FAM20A: variants seen among roughly 807,000 people sequenced by gnomAD.
The protein encoded by FAM20A is FAM20A golgi associated secretory pathway pseudokinase, also known as pseudokinase FAM20A.
A neutral mutation model predicts 52.0 loss-of-function variants in FAM20A; 42 were observed. The observed-to-expected ratio is 0.81, with a 90% confidence interval of 0.63 to 1.04. The LOEUF (loss-of-function observed/expected upper bound fraction) is 1.04, where lower values mean the gene tolerates loss of function less well. Ranked by LOEUF, FAM20A falls within the 50% of genes least tolerant of loss-of-function variation. FAM20A has a pLI of 0.00. For synonymous variants in FAM20A, 304 were observed against 298.9 expected, an observed-to-expected ratio of 1.02 and a Z score of -0.18; for missense variants, 742 against 712.7, an observed-to-expected ratio of 1.04 and a Z score of -0.47.
intron 4 of FAM20A, among the ~76,000 whole-genome samples, chr17:68,546,008 A>G (rs2086539035): frequency 1.3e-5 from 2 of 151,960 alleles, no homozygotes; most frequent in Non-Finnish European, 1.5e-5. Flanking sequence ...TCTCTACTAA[A>G]AATACAAAAA....
chr17:68,574,056 G>T (rs1310297755), intron 1 of FAM20A, among the ~76,000 whole-genome samples: 1 of 151,824 alleles, frequency 6.6e-6, no homozygotes, highest in African/African-American at 2.4e-5. Context: ...CTTGGTGGTG[G>T]GAACTCTCTC....
chr17:68,538,886 A>G (rs2143451638), intron 10 of FAM20A, among the ~76,000 whole-genome samples: 1 of 152,342 alleles, frequency 6.6e-6, no homozygotes, highest in South Asian at 2.1e-4. Context: ...TACAGTCATG[A>G]ATCGCTTAGT....
At chr17:68,567,111 C>G (rs929911331) in intron 1 of FAM20A, among the ~76,000 whole-genome samples, 1 of 151,860 alleles carries the variant, frequency 6.6e-6, no homozygotes, top group African/African-American at 2.4e-5. Flanking sequence ...TCTTCCAGCT[C>G]TCTCAGCAGT....
chr17:68,581,425 T>TCTTTCTTTTTC (rs1239596190), intron 1 of FAM20A, among the ~76,000 whole-genome samples: 145 of 142,198 alleles, frequency 1.0e-3, no homozygotes, highest in Middle Eastern at 3.4e-3. Flanking sequence ...TTTTTCTCTT[T>TCTTTCTTTTTC]TCTTTCTTTC....
At position 68,554,823 on chromosome 17, in the gene FAM20A, G is replaced by A. The variant is rs1216001726; in HGVS notation, c.594C>T (p.Tyr198=). ...MRHFPTISAD[Y]SQDEKALLGA... ...CCAGCAAGGCTTTCTCATCTTGACT[G>A]TAATCTGCAAAGGAGGAGAAGGGCA... Residue 198 remains tyrosine, a synonymous_variant, in exon 3 of 11, where the codon TAC becomes TAT. Coordinates refer to ENST00000592554, the MANE Select transcript of FAM20A (RefSeq NM_017565.4). 4 of 1,614,032 alleles carry A rather than the reference G, an allele frequency of 2.5e-6. No individual in the cohort carries two copies. Among genetic ancestry groups the A allele is most frequent in the Middle Eastern group, 1.6e-4 (1 of 6,080 alleles).
intron 1 of FAM20A, among the ~76,000 whole-genome samples, chr17:68,580,271 G>C (rs1026883736): frequency 3.9e-5 from 6 of 152,316 alleles, no homozygotes; most frequent in Non-Finnish European, 8.8e-5. Flanking sequence ...GGTGGTGGGT[G>C]GGGGGAGACA....
At chr17:68,584,283 T>C (rs988634375) in intron 1 of FAM20A, among the ~76,000 whole-genome samples, 2 of 151,062 alleles carry the variant, frequency 1.3e-5, no homozygotes, top group African/African-American at 4.9e-5. Flanking sequence ...TGCCACTGTA[T>C]TCCAGCCTGG....
intron 1 of FAM20A, among the ~76,000 whole-genome samples, chr17:68,585,321 T>TCTA: frequency 1.8e-5 from 1 of 56,986 alleles, no homozygotes; most frequent in Non-Finnish European, 3.4e-5. Flanking sequence ...AAACACTATG[T>TCTA]TTATTAATAT....
rs150972449 is a variant in FAM20A, at chr17:68,537,284, C to T, written c.*193G>A. On this transcript the variant is annotated 3_prime_UTR_variant, in exon 11 of 11. Transcript: ENST00000592554. The surrounding 1 kb of genome is among the most constrained non-coding windows in gnomAD (Gnocchi z 4.2). ...GGGAAAAACGGAGCAAGGCAACGCA[C>T]GACAGAAGCGGTGCACCAAGGAGTA... The T allele has an allele frequency of 5.7e-5, 44 of 777,562 alleles. 1 individual carries two copies. Among genetic ancestry groups the T allele is most frequent in the East Asian group, 1.6e-4 (6 of 37,058 alleles). The allele number at this position is 777,562 out of a possible 1,614,324, so 48.2% of individuals were successfully genotyped here.
At chr17:68,569,863 A>G (rs1396810711) in intron 1 of FAM20A, among the ~76,000 whole-genome samples, 2 of 152,056 alleles carry the variant, frequency 1.3e-5, no homozygotes, top group Non-Finnish European at 2.9e-5. Context: ...TCAGGCCTTC[A>G]TTCCTTGGAA....
intron 4 of FAM20A, among the ~76,000 whole-genome samples, chr17:68,548,849 C>T (rs1415053264): frequency 1.3e-5 from 2 of 150,188 alleles, no homozygotes; most frequent in African/African-American, 2.5e-5. Flanking sequence ...TCTCCTGCCT[C>T]AGCCTCCCGA....
In FAM20A at chr17:68,537,140, T is replaced by G. The variant is rs765464156; in HGVS notation, c.*337A>C. The G allele has an allele frequency of 8.0e-6, 4 of 500,656 alleles. No individual in the cohort carries two copies. The highest frequency in any genetic ancestry group is 1.5e-5 in the Non-Finnish European group (4 of 258,466). 31.0% of individuals were successfully genotyped at this position (500,656 alleles called of 1,614,324 possible). A position where few individuals can be genotyped will look rare whatever the true frequency, so the allele number is the denominator to read the frequency against. ...GTCAGGTATCCACTTGATGTCCTTTTATTTGACTTGTTACCATTAGTACTC... is the reference window on the plus strand; with the variant it reads ...GTCAGGTATCCACTTGATGTCCTTTGATTTGACTTGTTACCATTAGTACTC... On this transcript the variant is annotated 3_prime_UTR_variant, in exon 11 of 11. Coordinates refer to ENST00000592554, the MANE Select transcript of FAM20A (RefSeq NM_017565.4). This position sits in a 1 kb window ranked among gnomAD's most constrained non-coding sequence, Gnocchi z 4.2.
chr17:68,560,354 A>C (rs2087177299), intron 1 of FAM20A, among the ~76,000 whole-genome samples: 1 of 151,986 alleles, frequency 6.6e-6, no homozygotes, highest in Admixed American at 6.6e-5. Context: ...AAAAAAAAAA[A>C]AAAAAAGAGA....
rs748001126 is a variant in FAM20A at position 68,536,424 on chromosome 17, TCAA to T, written c.*1050_*1052del. ...CTCCTATTAAAAGGAGTTTCAGATA[TCAA>T]CAAGTCAGGGAGAAGGTAGAGGAGA... On this transcript the variant is annotated 3_prime_UTR_variant, in exon 11 of 11. Coordinates refer to ENST00000592554, the MANE Select transcript of FAM20A (RefSeq NM_017565.4). 2.2e-6 allele frequency: 1 copy of T among 454,102 alleles called. No individual in the cohort carries two copies. The highest frequency in any genetic ancestry group is 1.6e-5 in the South Asian group (1 of 64,478). The allele number at this position is 454,102 out of a possible 1,614,324, so 28.1% of individuals were successfully genotyped here. A position where few individuals can be genotyped will look rare whatever the true frequency, so the allele number is the denominator to read the frequency against.
chr17:68,559,479 A>G (rs1301882026), intron 1 of FAM20A, among the ~76,000 whole-genome samples: 6 of 152,234 alleles, frequency 3.9e-5, no homozygotes, highest in Non-Finnish European at 2.9e-5. Context: ...GCTTTCATCA[A>G]CAAAAATAAA....
intron 1 of FAM20A, among the ~76,000 whole-genome samples, chr17:68,597,350 G>C (rs748813158): frequency 6.6e-6 from 1 of 151,920 alleles, no homozygotes; most frequent in Non-Finnish European, 1.5e-5. Context: ...AATTATTTTG[G>C]ATAGGACTTC....
intron 1 of FAM20A, among the ~76,000 whole-genome samples, chr17:68,581,406 CTTTCTTTCTTTT>C (rs1029550155): frequency 4.2e-5 from 6 of 141,764 alleles, no homozygotes; most frequent in African/African-American, 1.1e-4. Flanking sequence ...TTCTTTCTTT[CTTTCTTTCTTTT>C]TCTCTTTTCT....
rs1423427493 is a variant in FAM20A at position 68,536,501 on chromosome 17, CCTGA to C, written c.*972_*975del. 4.4e-6 allele frequency: 2 copies of C among 454,130 alleles called. No individual in the cohort carries two copies. Among genetic ancestry groups the C allele is most frequent in the East Asian group, 1.4e-4 (2 of 14,392 alleles). 28.1% of individuals were successfully genotyped at this position (454,130 alleles called of 1,614,324 possible). ...TTCTAAGGGAGGCTTCAATAAAAAA[CCTGA>C]CTTAGTCTTTTTTGAGCCAGCCGTC... On this transcript the variant is annotated 3_prime_UTR_variant, in exon 11 of 11. Transcript: ENST00000592554.
chr17:68,535,700 C>G lies in FAM20A; in HGVS notation c.*1777G>C. The stretch of plus-strand genomic sequence containing the variant: ...TTTTTTTTGTATTTTTTTGTAGAGA[C>G]AGGGTTTTGTCATGTTACCCAGGCT... On this transcript the variant is annotated 3_prime_UTR_variant, in exon 11 of 11. Transcript: ENST00000592554. 1 of 446,732 alleles carries G rather than the reference C, an allele frequency of 2.2e-6. No individual in the cohort carries two copies. Among genetic ancestry groups the G allele is most frequent in the Non-Finnish European group, 4.4e-6 (1 of 224,908 alleles). The allele number at this position is 446,732 out of a possible 1,614,324, so 27.7% of individuals were successfully genotyped here.
Sources: allele counts gnomAD v4.1 joint callset (sites outside exome capture counted in the v4.1 genomes callset), GRCh38; gene constraint gnomAD v4.1.1; non-coding constraint Gnocchi (gnomAD v3.1); transcripts MANE v1.5; gene names NCBI Gene and HGNC (gene_info 2026-07-23, HGNC 2026-07-21).